The following PKLR variants were observed in gnomAD, a reference collection of about 807,000 sequenced individuals.
PKLR encodes the protein pyruvate kinase PKLR.
In PKLR, 38 loss-of-function variants were observed where a neutral mutation model predicts 53.6. The observed-to-expected ratio is 0.71, with a 90% CI of 0.55 to 0.93. The LOEUF is 0.93. Ranked by LOEUF, PKLR falls within the 40% of genes least tolerant of loss-of-function variation. PKLR has a pLI of 0.00. For missense variants in PKLR, 702 were observed against 787.3 expected (o/e 0.89, Z 1.30); for synonymous variants, 328 against 316.2 (o/e 1.04, Z -0.39).
chr1:155,301,270 C>T (rs1052089368), intron 1 of PKLR, 26 bp downstream of exon 1: 1 of 1,613,336 alleles, frequency 6.2e-7, no homozygotes, highest in South Asian at 1.1e-5. Context: ...CTCCTATGTT[C>T]CATGGCTTCT....
upstream of PKLR, among the ~76,000 whole-genome samples, chr1:155,304,830 A>G (rs1392848838): frequency 6.6e-6 from 1 of 152,226 alleles, no homozygotes; most frequent in East Asian, 1.9e-4. Flanking sequence ...GTGTGCTGGA[A>G]CAGCATTCAT....
rs148435198 is a variant in PKLR, at chr1:155,294,558, C to G, written c.889G>C (p.Val297Leu). The G allele has an allele frequency of 1.2e-5, 20 of 1,614,124 alleles. No individual in the cohort carries two copies. The highest frequency in any genetic ancestry group is 1.7e-5 in the Non-Finnish European group (20 of 1,180,052). Reference protein sequence around the residue: ...FVRKASDVAAVRAALGPEGHG... With the variant: ...FVRKASDVAALRAALGPEGHG... ...CCTTCCGGACCCAGAGCAGCCCTGA[C>G]GGCAGCCACGTCGCTGGCTTTCCGC... is the stretch of plus-strand genomic sequence containing the variant. Residue 297 changes from valine (V) to leucine (L), a missense_variant, in exon 6 of 11, where the codon GTC (valine) becomes CTC (leucine). Physicochemically the swap from Val to Leu is conservative, Grantham distance 32 (BLOSUM62 1). Coordinates refer to ENST00000342741, the MANE Select transcript of PKLR (RefSeq NM_000298.6).
rs1273785008 is a variant in PKLR at position 155,294,542 on chromosome 1, C to G, written c.905G>C (p.Gly302Ala). 1 of 1,614,110 alleles carries G rather than the reference C, an allele frequency of 6.2e-7. No individual in the cohort carries two copies. The highest frequency in any genetic ancestry group is 8.5e-7 in the Non-Finnish European group (1 of 1,180,054). Residue 302 changes from glycine to alanine, a missense_variant, in exon 6 of 11, where the codon GGT (glycine) becomes GCT (alanine). Physicochemically the swap from Gly to Ala is moderately conservative, Grantham distance 60 (BLOSUM62 0). Coordinates refer to ENST00000342741, the MANE Select transcript of PKLR (RefSeq NM_000298.6). ...SDVAAVRAAL[G>A]PEGHGIKIIS... Reference sequence around the variant, plus strand: ...GATCTTGATGCCGTGTCCTTCCGGACCCAGAGCAGCCCTGACGGCAGCCAC... The same window carrying G: ...GATCTTGATGCCGTGTCCTTCCGGAGCCAGAGCAGCCCTGACGGCAGCCAC...
chr1:155,294,794 C>T (rs1557959605), intron 5 of PKLR, 42 bp from the exon 6 acceptor site: 7 of 1,611,742 alleles, frequency 4.3e-6, no homozygotes, highest in Non-Finnish European at 5.9e-6. Flanking sequence ...GGGGTGAGGA[C>T]GGGGCACAGT....
In PKLR at chr1:155,290,538, A is replaced by G. The variant is rs749269783; in HGVS notation, c.*34T>C. The G allele has an allele frequency of 1.6e-6, 2 of 1,287,890 alleles. No homozygotes were observed. The highest frequency in any genetic ancestry group is 3.4e-5 in the Admixed American group (2 of 59,180). The allele number at this position is 1,287,890 out of a possible 1,614,324, so 79.8% of individuals were successfully genotyped here. ...GACTGGGGAGGAAGGGATGGGGTAC[A>G]AGGGTAGGCTGGGCCAGAGGAGGGA... On this transcript the variant is annotated 3_prime_UTR_variant, in exon 11 of 11. Transcript: ENST00000342741.
At chr1:155,294,008 C>T (rs553453938) in intron 7 of PKLR, among the ~76,000 whole-genome samples, 4 of 152,340 alleles carry the variant, frequency 2.6e-5, no homozygotes, top group African/African-American at 9.6e-5. Flanking sequence ...CGGCGGTCAC[C>T]TGTAATCCCC....
chr1:155,301,076 G>A (rs969686057), intron 1 of PKLR: 17 of 1,510,112 alleles, frequency 1.1e-5, no homozygotes, highest in African/African-American at 8.3e-5. Context: ...GGAGTGCCCC[G>A]TGGCTTACAT....
intron 1 of PKLR, among the ~76,000 whole-genome samples, chr1:155,300,481 G>A (rs1455574787): frequency 6.6e-6 from 1 of 152,160 alleles, no homozygotes; most frequent in East Asian, 1.9e-4. Flanking sequence ...AAGAAACAGA[G>A]GCTGAGAAAC....
the PKLR span, among the ~76,000 whole-genome samples, chr1:155,306,620 T>C: frequency 1.1e-4 from 17 of 151,782 alleles, no homozygotes; most frequent in South Asian, 8.3e-4. The surrounding 1 kb of genome is among the most constrained non-coding windows in gnomAD (Gnocchi z 4.2). Flanking sequence ...CACGTAAACA[T>C]ACACAAAGCT....
chr1:155,304,820 G>A (rs763856581), upstream of PKLR, among the ~76,000 whole-genome samples: 3 of 152,196 alleles, frequency 2.0e-5, no homozygotes, highest in Non-Finnish European at 4.4e-5. Flanking sequence ...CACACTTCCT[G>A]TGTGCTGGAA....
intron 2 of PKLR, among the ~76,000 whole-genome samples, chr1:155,298,109 G>A (rs370549367): frequency 6.6e-6 from 1 of 151,806 alleles, no homozygotes; most frequent in Non-Finnish European, 1.5e-5. Flanking sequence ...ACAGAGGTGC[G>A]ATCTCTGCTC....
At chr1:155,304,521 A>G (rs1253979224), upstream of PKLR, among the ~76,000 whole-genome samples, 1 of 150,166 alleles carries the variant, frequency 6.7e-6, no homozygotes, top group African/African-American at 2.5e-5. Flanking sequence ...GTGGTAGGTG[A>G]TGGACTAGCA....
At position 155,293,289 on chromosome 1, in the gene PKLR, G is replaced by A. The variant is rs773396824; in HGVS notation, c.1324C>T (p.Arg442Cys). Residue 442 changes from arginine (R) to cysteine (C), a missense_variant, in exon 9 of 11, where the codon CGT becomes TGT. By Grantham distance (180) the Arg-to-Cys change is radical. Transcript: ENST00000342741. This position sits in a 1 kb window ranked among gnomAD's most constrained non-coding sequence, Gnocchi z 4.2. ...VYHRQLFEEL[R>C]RAAPLSRDPT... ...TCACGGCTTAGTGGCGCTGCCCGAC[G>A]TAGCTCCTCAAACAGCTGCCGGTGG... The A allele has an allele frequency of 1.9e-6, 3 of 1,614,222 alleles. No individual in the cohort carries two copies. The highest frequency in any genetic ancestry group is 2.2e-5 in the East Asian group (1 of 44,888).
Position 155,293,336 on chromosome 1 carries a change from C to T in PKLR, c.1277G>A (p.Arg426Gln), listed in dbSNP as rs768002493. The T allele has an allele frequency of 9.9e-6, 16 of 1,614,240 alleles. No individual in the cohort carries two copies. The highest frequency in any genetic ancestry group is 3.3e-5 in the South Asian group (3 of 91,088). ...GTGGTACACTGCGGCCTCTGCCTCCCGGGCAATCTGCAGGTGCCAGAATGT... is the reference window on the plus strand; with the variant it reads ...GTGGTACACTGCGGCCTCTGCCTCCTGGGCAATCTGCAGGTGCCAGAATGT... ...EAVKMQHAIA[R>Q]EAEAAVYHRQ... Residue 426 changes from arginine (R) to glutamine (Q), a missense_variant, in exon 9 of 11, where the codon CGG becomes CAG. By Grantham distance (43) the Arg-to-Gln change is conservative (BLOSUM62 1). Around this residue, in one of 2 missense-constraint regions of PKLR, gnomAD observed 183 missense variants for 250.2 expected, o/e 0.73. Transcript: ENST00000342741. The surrounding 1 kb of genome is among the most constrained non-coding windows in gnomAD (Gnocchi z 4.2).
Position 155,295,721 on chromosome 1 carries a change from TCTC to T in PKLR, c.316_318del (p.Glu106del). ...GCAATGTTCATCCCGGCCTTGATCA[TCTC>T]CTTGAGGCGCTCCACGGAGCGAGAT... On this transcript the variant is annotated inframe_deletion, in exon 3 of 11. Transcript: ENST00000342741. The surrounding 1 kb of genome is among the most constrained non-coding windows in gnomAD (Gnocchi z 4.3). 1 of 1,614,026 alleles carries T rather than the reference TCTC, an allele frequency of 6.2e-7. No individual in the cohort carries two copies. Among genetic ancestry groups the T allele is most frequent in the Non-Finnish European group, 8.5e-7 (1 of 1,179,988 alleles).
upstream of PKLR, among the ~76,000 whole-genome samples, chr1:155,303,082 A>G (rs1316015992): frequency 6.6e-6 from 1 of 152,178 alleles, no homozygotes; most frequent in Non-Finnish European, 1.5e-5. Context: ...TTGAGAACAT[A>G]CCTGGGTAGA....
chr1:155,302,099 C>A (rs1446980068), upstream of PKLR, among the ~76,000 whole-genome samples: 1 of 150,968 alleles, frequency 6.6e-6, no homozygotes, highest in Non-Finnish European at 1.5e-5. Context: ...ACTCTGTCGC[C>A]CAGGCTGGAG....
chr1:155,294,340 C>A lies in PKLR; in HGVS notation c.1011G>T (p.Arg337=). The A allele has an allele frequency of 6.2e-7, 1 of 1,614,134 alleles. No individual in the cohort carries two copies. Among genetic ancestry groups the A allele is most frequent in the Non-Finnish European group, 8.5e-7 (1 of 1,180,020 alleles). The change falls in exon 7 of 11, where the codon CGG becomes CGT. Residue 337 remains arginine, a synonymous_variant. Coordinates refer to ENST00000342741, the MANE Select transcript of PKLR (RefSeq NM_000298.6). Reference sequence around the variant, plus strand: ...CTGGGATCTCGATGCCTAGGTCCCCCCGTGCCACCATGATGCCGTCGCTCA... The same window carrying A: ...CTGGGATCTCGATGCCTAGGTCCCCACGTGCCACCATGATGCCGTCGCTCA... ...LEVSDGIMVA[R]GDLGIEIPAE... is the part of the protein sequence containing the mutation.
In PKLR at chr1:155,293,408, G is replaced by A. The variant is rs1189766157; in HGVS notation, c.1269+30C>T. On this transcript the variant is annotated intron_variant, in intron 8 of 10. Coordinates refer to ENST00000342741, the MANE Select transcript of PKLR (RefSeq NM_000298.6). The surrounding 1 kb of genome is among the most constrained non-coding windows in gnomAD (Gnocchi z 4.2). ...GGTATGGAAGGGATTTGGTTCCCTG[G>A]CCCATTTGCTTTTCATTCTGAGCTC... 3 of 1,614,136 alleles carry A rather than the reference G, an allele frequency of 1.9e-6. No individual in the cohort carries two copies. The Admixed American group carries it at 5.0e-5, about 27-fold the overall frequency.
Sources: gnomAD v4.1 joint callset for allele counts (sites outside exome capture counted in the v4.1 genomes callset) on GRCh38, gnomAD v4.1.1 for gene constraint, gnomAD v4.1.1 regional missense constraint, Gnocchi (gnomAD v3.1) non-coding constraint, MANE v1.5 for transcripts, NCBI Gene and HGNC (gene_info 2026-07-23, HGNC 2026-07-21) for gene names.